LDB2: variants seen among roughly 807,000 people sequenced by gnomAD.
LDB2 encodes LIM domain-binding protein 2.
Under a neutral mutation model 44.3 loss-of-function variants are expected in LDB2, and 12 were observed. That is an observed-to-expected ratio of 0.27 (90% CI 0.17 to 0.44). LDB2 has a LOEUF of 0.44. Ranked by LOEUF, LDB2 falls within the 20% of genes least tolerant of loss-of-function variation. The pLI is 1.00. For synonymous variants in LDB2, 164 were observed against 174.8 expected (o/e 0.94, Z 0.49); for missense variants, 344 against 473.5 (o/e 0.73, Z 2.54).
intron 4 of LDB2, among the ~76,000 whole-genome samples, chr4:16,586,524 AC>A (rs1323872452): frequency 1.3e-3 from 105 of 83,476 alleles, no homozygotes; most frequent in Middle Eastern, 5.1e-3. Context: ...ACACACACAC[AC>A]AAAACACACA....
intron 2 of LDB2, among the ~76,000 whole-genome samples, chr4:16,638,542 G>A (rs961612763): frequency 6.6e-6 from 1 of 152,186 alleles, no homozygotes; most frequent in East Asian, 1.9e-4. Context: ...CTTCAAAAAT[G>A]AAATGGAGAT....
At chr4:16,633,396 T>C (rs4698500) in intron 2 of LDB2, among the ~76,000 whole-genome samples, 133,745 of 152,118 alleles carry the variant, frequency 0.88, 58,830 homozygotes, top group Admixed American at 0.93. Context: ...TGTAACAAAC[T>C]TGCACATTGT....
At chr4:16,703,997 T>G (rs182659105) in intron 2 of LDB2, among the ~76,000 whole-genome samples, 1 of 152,342 alleles carries the variant, frequency 6.6e-6, no homozygotes, top group Non-Finnish European at 1.5e-5. Context: ...CTGATGGGAC[T>G]GTTATCGGGT....
chr4:16,529,000 A>G (rs1413152031), intron 5 of LDB2, among the ~76,000 whole-genome samples: 1 of 152,188 alleles, frequency 6.6e-6, no homozygotes, highest in African/African-American at 2.4e-5. Context: ...AGTTGCCAGA[A>G]GAGAAAAAAT....
chr4:16,607,107 T>C (rs964733689), intron 2 of LDB2, among the ~76,000 whole-genome samples: 2 of 152,160 alleles, frequency 1.3e-5, no homozygotes, highest in African/African-American at 4.8e-5. Context: ...GTTACTAAAA[T>C]AGAAGCTAAT....
intron 1 of LDB2, among the ~76,000 whole-genome samples, chr4:16,796,926 A>G (rs544420542): frequency 9.3e-4 from 142 of 152,322 alleles, no homozygotes; most frequent in African/African-American, 3.2e-3. Context: ...GTTAACAAAC[A>G]TAAGAAAAGT....
At chr4:16,804,430 T>C (rs1469324582) in intron 1 of LDB2, among the ~76,000 whole-genome samples, 4 of 152,174 alleles carry the variant, frequency 2.6e-5, no homozygotes, top group African/African-American at 9.7e-5. Flanking sequence ...TTCTAAATTG[T>C]CCCCTGTATC....
chr4:16,646,010 T>C (rs1233923001), intron 2 of LDB2, among the ~76,000 whole-genome samples: 1 of 152,230 alleles, frequency 6.6e-6, no homozygotes, highest in Non-Finnish European at 1.5e-5. Flanking sequence ...TTGCATTGAT[T>C]CTTTAGATAG....
At chr4:16,582,000 G>GGGAAGGAA (rs35585551) in intron 5 of LDB2, among the ~76,000 whole-genome samples, 4,509 of 103,434 alleles carry the variant, frequency 0.044, 87 homozygotes, top group Middle Eastern at 0.059. Context: ...AGGGAAGGAA[G>GGGAAGGAA]GGAAGGAAGG....
At chr4:16,876,083 T>C (rs1718287878) in intron 1 of LDB2, among the ~76,000 whole-genome samples, 3 of 152,182 alleles carry the variant, frequency 2.0e-5, no homozygotes, top group Admixed American at 2.0e-4. Flanking sequence ...ATTGGGCCAT[T>C]CCGCAACCAA....
At chr4:16,683,671 G>C (rs1015853591) in intron 2 of LDB2, among the ~76,000 whole-genome samples, 1 of 152,220 alleles carries the variant, frequency 6.6e-6, no homozygotes, top group Non-Finnish European at 1.5e-5. Flanking sequence ...TTACGAAGGT[G>C]CCAGGATAGA....
intron 2 of LDB2, among the ~76,000 whole-genome samples, chr4:16,612,930 G>T (rs1726094494): frequency 6.6e-6 from 1 of 152,180 alleles, no homozygotes; most frequent in Non-Finnish European, 1.5e-5. Context: ...TAACCCTGAT[G>T]AACATTGATG....
intron 5 of LDB2, among the ~76,000 whole-genome samples, chr4:16,571,470 G>A (rs1318151757): frequency 6.7e-6 from 1 of 149,694 alleles, no homozygotes; most frequent in Non-Finnish European, 1.5e-5. Flanking sequence ...AAAAAAGCCT[G>A]GTCATCTCAG....
At chr4:16,648,169 G>A (rs1405404081) in intron 2 of LDB2, among the ~76,000 whole-genome samples, 1 of 152,170 alleles carries the variant, frequency 6.6e-6, no homozygotes, top group Non-Finnish European at 1.5e-5. Flanking sequence ...AATGGCAGAT[G>A]TTCTCTTCTC....
intron 2 of LDB2, among the ~76,000 whole-genome samples, chr4:16,673,784 A>G (rs375687442): frequency 5.9e-5 from 9 of 152,330 alleles, no homozygotes; most frequent in African/African-American, 2.2e-4. Flanking sequence ...ACCTGCCCCA[A>G]CAAAAAACTA....
At chr4:16,518,412 C>A (rs1188802736) in intron 5 of LDB2, among the ~76,000 whole-genome samples, 1 of 151,908 alleles carries the variant, frequency 6.6e-6, no homozygotes, top group African/African-American at 2.4e-5. Context: ...TGGCCTTGAA[C>A]CCTCTACTCT....
intron 2 of LDB2, among the ~76,000 whole-genome samples, chr4:16,655,647 C>G (rs1739566836): frequency 6.6e-6 from 1 of 152,144 alleles, no homozygotes; most frequent in Non-Finnish European, 1.5e-5. Flanking sequence ...CAAACAGCCC[C>G]ATATTTGGCA....
chr4:16,506,366 T>C lies in LDB2; in HGVS notation c.891+2169A>G, dbSNP rs144729470. The C allele has an allele frequency of 4.6e-3, 791 of 170,120 alleles. 7 individuals carry two copies. Among genetic ancestry groups the C allele is most frequent in the African/African-American group, 0.018 (754 of 42,228 alleles). The allele number at this position is 170,120 out of a possible 1,614,324, so 10.5% of individuals were successfully genotyped here. ...TGGAGATAGTGATGGAATCCAACTC[T>C]CATTTCCTAACGGTGCCTTGCTCTT... On this transcript the variant is annotated intron_variant, in intron 7 of 7. Coordinates refer to ENST00000304523, the MANE Select transcript of LDB2 (RefSeq NM_001290.5).
At chr4:16,788,066 TC>T (rs1242382399) in intron 1 of LDB2, among the ~76,000 whole-genome samples, 2 of 152,096 alleles carry the variant, frequency 1.3e-5, no homozygotes, top group African/African-American at 2.4e-5. Flanking sequence ...AAGTCGATCC[TC>T]CCCCCCCTCT....
Sources: gnomAD v4.1 joint callset for allele counts (sites outside exome capture counted in the v4.1 genomes callset) on GRCh38, gnomAD v4.1.1 for gene constraint, MANE v1.5 for transcripts, NCBI Gene and HGNC (gene_info 2026-07-23, HGNC 2026-07-21) for gene names.